Variants in SLC44A5 observed in about 807,000 individuals in gnomAD.
SLC44A5 encodes the protein solute carrier family 44 member 5, also known as choline transporter-like protein 5.
Under a neutral mutation model 101.8 loss-of-function variants are expected in SLC44A5, and 57 were observed. The ratio of observed to expected loss-of-function variants is 0.56; its 90% CI spans 0.45 to 0.70. SLC44A5 has a LOEUF of 0.70. Ranked by LOEUF, SLC44A5 falls within the 30% of genes least tolerant of loss-of-function variation. The pLI, the probability that SLC44A5 is intolerant of heterozygous loss-of-function variation, is 0.00. For synonymous variants in SLC44A5, 281 were observed against 290.9 expected (o/e 0.97, Z 0.35); for missense variants, 737 against 853.1 (o/e 0.86, Z 1.70).
the SLC44A5 span, chr1:75,723,785 G>C: frequency 1.3e-5 from 2 of 152,126 alleles, no homozygotes; most frequent in African/African-American, 4.8e-5. Flanking sequence ...ATTCTGCCTT[G>C]TACCTAGGAC....
At chr1:75,388,114 T>G in intron 3 of SLC44A5, among the ~76,000 whole-genome samples, 2 of 135,988 alleles carry the variant, frequency 1.5e-5, no homozygotes, top group African/African-American at 2.8e-5. Flanking sequence ...TAATGCTAGA[T>G]GACGAGTTAG....
chr1:75,342,314 C>G (rs567346255), intron 3 of SLC44A5, among the ~76,000 whole-genome samples: 7 of 152,280 alleles, frequency 4.6e-5, no homozygotes, highest in South Asian at 4.1e-4. Context: ...CCACATAGAA[C>G]GCAATGTGAA....
intron 23 of SLC44A5, chr1:75,206,803 G>A: frequency 9.1e-6 from 7 of 765,070 alleles, no homozygotes; most frequent in Admixed American, 2.5e-5. Flanking sequence ...GGTCGAACAG[G>A]GAAAAATCAG....
intron 4 of SLC44A5, among the ~76,000 whole-genome samples, chr1:75,315,397 G>A (rs1655614947): frequency 6.6e-6 from 1 of 151,972 alleles, no homozygotes; most frequent in South Asian, 2.1e-4. Flanking sequence ...AATTTTACTA[G>A]GCAGAACACC....
chr1:75,572,075 A>C (rs1673104914), intron 1 of SLC44A5, among the ~76,000 whole-genome samples: 1 of 152,254 alleles, frequency 6.6e-6, no homozygotes, highest in Admixed American at 6.5e-5. Context: ...AGTAGAATAA[A>C]GATCTTTGTG....
intron 2 of SLC44A5, among the ~76,000 whole-genome samples, chr1:75,502,862 C>T (rs1448009863): frequency 1.3e-5 from 2 of 152,124 alleles, no homozygotes; most frequent in Non-Finnish European, 2.9e-5. Context: ...TAATAGGCCT[C>T]GCACTGGGAA....
At chr1:75,548,347 CTAACTTTATGAAATTTAATGATCTTT>C (rs1285777758) in intron 1 of SLC44A5, among the ~76,000 whole-genome samples, 4 of 152,006 alleles carry the variant, frequency 2.6e-5, no homozygotes, top group East Asian at 1.9e-4. Context: ...ACTTTAGATG[CTAACTTTATGAAATTTAATGATCTTT>C]TAACTTTATG....
At chr1:75,206,248 T>C (rs1646747123) in intron 23 of SLC44A5, 1 of 182,426 alleles carries the variant, frequency 5.5e-6, no homozygotes, top group Non-Finnish European at 1.1e-5. Flanking sequence ...TACACATTTA[T>C]AGTGTTTTCA....
At chr1:75,368,919 C>G (rs1024318648) in intron 3 of SLC44A5, among the ~76,000 whole-genome samples, 1 of 152,040 alleles carries the variant, frequency 6.6e-6, no homozygotes, top group African/African-American at 2.4e-5. Flanking sequence ...TAAAGTCCAA[C>G]AAAAATTTTC....
chr1:75,315,652 T>C lies in SLC44A5; in HGVS notation c.102-14967A>G, dbSNP rs201886729. ...GATCTTCTAATTCTATCTGTTAATC[T>C]AAAGTAATCTCATCTATACCATAGT... On this transcript the variant is annotated intron_variant, in intron 4 of 23. Transcript: ENST00000370859. Among the ~76,000 whole-genome samples the C allele has an allele frequency of 3.3e-5, 5 of 152,188 alleles. No individual in the cohort carries two copies. The East Asian group carries it at 9.6e-4, about 29-fold the overall frequency.
chr1:75,723,599 T>C, the SLC44A5 span: 1 of 152,210 alleles, frequency 6.6e-6, no homozygotes, highest in Non-Finnish European at 1.5e-5. Flanking sequence ...GAATAAGAAA[T>C]TGGAACAAAG....
intron 6 of SLC44A5, among the ~76,000 whole-genome samples, chr1:75,262,204 T>C (rs1221054093): frequency 1.3e-5 from 2 of 152,220 alleles, no homozygotes; most frequent in South Asian, 2.1e-4. Context: ...TTGTCTCTGT[T>C]TGCAGATGAC....
At chr1:75,642,176 T>C in the SLC44A5 span, 6 of 654,912 alleles carry the variant, frequency 9.2e-6, no homozygotes, top group Non-Finnish European at 1.5e-5. Context: ...GCATTCTCCT[T>C]ATGTTAGCTG....
At chr1:75,506,153 A>G (rs569039211) in intron 2 of SLC44A5, among the ~76,000 whole-genome samples, 1 of 152,162 alleles carries the variant, frequency 6.6e-6, no homozygotes, top group South Asian at 2.1e-4. Context: ...TGAAGACCAG[A>G]CAGTTGTAGG....
chr1:75,367,070 T>C (rs934319736), intron 3 of SLC44A5, among the ~76,000 whole-genome samples: 3 of 152,226 alleles, frequency 2.0e-5, no homozygotes, highest in Admixed American at 6.5e-5. Flanking sequence ...CTAGTTTCCT[T>C]AGGCAGTGTC....
chr1:75,564,963 G>T (rs970999991), intron 1 of SLC44A5, among the ~76,000 whole-genome samples: 5 of 152,232 alleles, frequency 3.3e-5, no homozygotes, highest in African/African-American at 1.2e-4. Context: ...ACATGTGCAG[G>T]ATGTGCAGGT....
intron 2 of SLC44A5, among the ~76,000 whole-genome samples, chr1:75,459,315 G>A (rs555613665): frequency 6.6e-5 from 10 of 152,194 alleles, no homozygotes; most frequent in East Asian, 5.8e-4. Flanking sequence ...ACAAAGTTCC[G>A]TTTTTAAGTA....
In SLC44A5 at chr1:75,562,518, A is replaced by G. The variant is rs1019391200; in HGVS notation, c.-69-21002T>C. 2.0e-5 allele frequency among the ~76,000 whole-genome samples: 3 copies of G among 151,952 alleles called. No individual in the cohort carries two copies. In the South Asian group the frequency reaches 6.2e-4, roughly 32 times the overall value. On this transcript the variant is annotated intron_variant, in intron 1 of 23. Coordinates refer to ENST00000370859, the MANE Select transcript of SLC44A5 (RefSeq NM_001130058.2). ...TTCAAGGCCAGCCTGGGCAACATGG[A>G]GAACCCCTATCTCTATAAGAGTTAC...
intron 2 of SLC44A5, among the ~76,000 whole-genome samples, chr1:75,456,157 C>T (rs934702371): frequency 9.9e-5 from 15 of 152,080 alleles, no homozygotes; most frequent in African/African-American, 3.6e-4. Context: ...TACATATATA[C>T]CGTGGAATAC....
Sources: allele counts gnomAD v4.1 joint callset (sites outside exome capture counted in the v4.1 genomes callset), GRCh38; gene constraint gnomAD v4.1.1; transcripts MANE v1.5; gene names NCBI Gene and HGNC (gene_info 2026-07-23, HGNC 2026-07-21).